Variants in HERPUD2 observed in about 807,000 individuals in gnomAD.
HERPUD2 encodes the protein HERPUD family member 2, also known as homocysteine-responsive endoplasmic reticulum-resident ubiquitin-like domain member 2 protein.
Under a neutral mutation model 49.9 loss-of-function variants are expected in HERPUD2, and 13 were observed. The ratio of observed to expected loss-of-function variants is 0.26; its 90% CI spans 0.17 to 0.41. HERPUD2 has a LOEUF of 0.41. Ranked by LOEUF, HERPUD2 falls within the 10% of genes least tolerant of loss-of-function variation. HERPUD2 has a pLI of 1.00. For missense variants in HERPUD2, 449 were observed against 492.2 expected (o/e 0.91, Z 0.83); for synonymous variants, 172 against 171.4 (o/e 1.00, Z -0.03).
intron 5 of HERPUD2, among the ~76,000 whole-genome samples, chr7:35,665,985 T>C (rs1475611867): frequency 1.3e-5 from 2 of 152,218 alleles, no homozygotes; most frequent in Non-Finnish European, 2.9e-5. Flanking sequence ...AATGTGGCAC[T>C]ATATATTTTT....
intron 2 of HERPUD2, among the ~76,000 whole-genome samples, chr7:35,682,131 G>C (rs1236366937): frequency 1.1e-4 from 16 of 151,894 alleles, no homozygotes; most frequent in Middle Eastern, 6.8e-3. Flanking sequence ...TCTGCCTCCT[G>C]AGGCTCAAGT....
intron 4 of HERPUD2, among the ~76,000 whole-genome samples, chr7:35,669,916 G>A (rs986799249): frequency 6.6e-6 from 1 of 151,852 alleles, no homozygotes; most frequent in Admixed American, 6.6e-5. Flanking sequence ...TTATATAACC[G>A]TAACATAATT....
At chr7:35,673,551 T>TG (rs1785688571) in intron 2 of HERPUD2, among the ~76,000 whole-genome samples, 1 of 152,158 alleles carries the variant, frequency 6.6e-6, no homozygotes, top group Non-Finnish European at 1.5e-5. Context: ...GGTAGATAAA[T>TG]TGGAAGTCTG....
At chr7:35,667,686 C>A in intron 4 of HERPUD2, 98 bp from the exon 5 acceptor site, 1 of 882,966 alleles carries the variant, frequency 1.1e-6, no homozygotes. Flanking sequence ...AATCCCTCTG[C>A]AAAATAACAT....
intron 2 of HERPUD2, among the ~76,000 whole-genome samples, chr7:35,684,862 C>CCAAA (rs1277590599): frequency 6.6e-6 from 1 of 151,996 alleles, no homozygotes; most frequent in African/African-American, 2.4e-5. Context: ...ACTCATGTAA[C>CCAAA]CAAACACCAC....
At chr7:35,661,167 T>G (rs1785411366) in intron 5 of HERPUD2, among the ~76,000 whole-genome samples, 1 of 152,164 alleles carries the variant, frequency 6.6e-6, no homozygotes, top group Admixed American at 6.5e-5. Flanking sequence ...TTCGTCAGGT[T>G]TGTGAAAGAT....
chr7:35,694,089 G>A, intron 2 of HERPUD2, 95 bp downstream of exon 2: 1 of 1,328,226 alleles, frequency 7.5e-7, no homozygotes, highest in Non-Finnish European at 1.1e-6. Flanking sequence ...AGACCTATTT[G>A]ATTCAAGACT....
At chr7:35,654,646 T>C (rs1785235697) in intron 5 of HERPUD2, among the ~76,000 whole-genome samples, 1 of 147,748 alleles carries the variant, frequency 6.8e-6, no homozygotes, top group Admixed American at 6.8e-5. Context: ...CAGGATTGGA[T>C]GGCTTCGCTG....
At chr7:35,641,499 A>G (rs1583538683) in intron 5 of HERPUD2, among the ~76,000 whole-genome samples, 1 of 152,218 alleles carries the variant, frequency 6.6e-6, no homozygotes, top group East Asian at 1.9e-4. Context: ...GAACCAAAAA[A>G]GAGCCTGAAT....
intron 5 of HERPUD2, among the ~76,000 whole-genome samples, chr7:35,652,453 A>T (rs1785186853): frequency 6.6e-6 from 1 of 152,196 alleles, no homozygotes; most frequent in African/African-American, 2.4e-5. Flanking sequence ...AGAGAATTCT[A>T]AAAACAGCAA....
At chr7:35,686,932 C>T (rs1214065804) in intron 2 of HERPUD2, among the ~76,000 whole-genome samples, 3 of 148,078 alleles carry the variant, frequency 2.0e-5, no homozygotes, top group Non-Finnish European at 1.5e-5. Flanking sequence ...GGTGGGCAGG[C>T]GCCTGTAATC....
At chr7:35,690,228 T>C (rs188887391) in intron 2 of HERPUD2, among the ~76,000 whole-genome samples, 2 of 152,366 alleles carry the variant, frequency 1.3e-5, no homozygotes, top group South Asian at 2.1e-4. Context: ...CAATTATCTA[T>C]ATATTCTGTA....
intron 2 of HERPUD2, among the ~76,000 whole-genome samples, chr7:35,674,729 A>T (rs940428554): frequency 2.6e-5 from 4 of 151,596 alleles, no homozygotes; most frequent in Non-Finnish European, 5.9e-5. Flanking sequence ...ATGACCAATG[A>T]TTTAATCAAT....
At chr7:35,637,239 T>C (rs754691063) in intron 6 of HERPUD2, among the ~76,000 whole-genome samples, 7 of 151,742 alleles carry the variant, frequency 4.6e-5, no homozygotes, top group Non-Finnish European at 5.9e-5. Context: ...TATAAGGAAA[T>C]ACAGTAAAAA....
chr7:35,664,785 A>G (rs894558174), intron 5 of HERPUD2, among the ~76,000 whole-genome samples: 7 of 152,064 alleles, frequency 4.6e-5, no homozygotes, highest in Non-Finnish European at 5.9e-5. Context: ...CTCGTTAGCC[A>G]TTTGTCTACT....
At chr7:35,691,810 G>A (rs1161828285) in intron 2 of HERPUD2, among the ~76,000 whole-genome samples, 1 of 152,168 alleles carries the variant, frequency 6.6e-6, no homozygotes, top group African/African-American at 2.4e-5. Context: ...CTCCTATGCT[G>A]AGGACTACCT....
chr7:35,685,310 C>G (rs1786012719), intron 2 of HERPUD2, among the ~76,000 whole-genome samples: 1 of 140,712 alleles, frequency 7.1e-6, no homozygotes, highest in African/African-American at 2.7e-5. Flanking sequence ...AAAAGTAACA[C>G]TTGGAATTTT....
chr7:35,671,875 T>C (rs559434990), intron 3 of HERPUD2, among the ~76,000 whole-genome samples: 52 of 151,894 alleles, frequency 3.4e-4, no homozygotes, highest in Non-Finnish European at 4.9e-4. Flanking sequence ...AATATATCTA[T>C]ATTTCAAAGA....
chr7:35,652,751 C>T (rs1476808664), intron 5 of HERPUD2, among the ~76,000 whole-genome samples: 1 of 151,498 alleles, frequency 6.6e-6, no homozygotes, highest in African/African-American at 2.4e-5. Context: ...AACGTTTCTG[C>T]CAAGGATACT....
Sources: gnomAD v4.1 joint callset for allele counts (sites outside exome capture counted in the v4.1 genomes callset) on GRCh38, gnomAD v4.1.1 for gene constraint, MANE v1.5 for transcripts, NCBI Gene and HGNC (gene_info 2026-07-23, HGNC 2026-07-21) for gene names.